The following ZBTB7A variants were observed in gnomAD, a reference collection of about 807,000 sequenced individuals.
ZBTB7A encodes zinc finger and BTB domain-containing protein 7A.
In ZBTB7A, 7 loss-of-function variants were observed where a neutral mutation model predicts 26.7. The ratio of observed to expected loss-of-function variants is 0.26; its 90% confidence interval spans 0.15 to 0.49. The LOEUF (loss-of-function observed/expected upper bound fraction) is 0.49. ZBTB7A is among the 20% of genes least tolerant of loss of function. ZBTB7A has a pLI of 0.98. For missense variants in ZBTB7A, 617 were observed against 919.5 expected (o/e 0.67, Z 4.25); for synonymous variants, 452 against 441.0 (o/e 1.02, Z -0.31).
At chr19:4,058,554 G>A (rs543219003) in intron 1 of ZBTB7A, among the ~76,000 whole-genome samples, 6 of 152,102 alleles carry the variant, frequency 3.9e-5, no homozygotes, top group African/African-American at 7.2e-5. Flanking sequence ...TGGCGGCCCC[G>A]AGTCACCCAG....
chr19:4,054,399 C>A lies in ZBTB7A; in HGVS notation c.834G>T (p.Glu278Asp). Residue 278 changes from glutamate (E) to aspartate (D), a missense_variant, in exon 2 of 3, where the codon GAG (glutamate) becomes GAT (aspartate). Transcript: ENST00000322357. ...CCGCCTCCGACAGCGAGGCGGCCTCCTCCTCTCCGCCGCGGCCGTAGTGGC... is the reference window on the plus strand; with the variant it reads ...CCGCCTCCGACAGCGAGGCGGCCTCATCCTCTCCGCCGCGGCCGTAGTGGC... ...QNGHYGRGGE[E>D]EAASLSEAAP... 1 of 1,399,358 alleles carries A rather than the reference C, an allele frequency of 7.1e-7. No individual in the cohort carries two copies. Among genetic ancestry groups the A allele is most frequent in the Non-Finnish European group, 9.2e-7 (1 of 1,089,150 alleles). The allele number at this position is 1,399,358 out of a possible 1,614,324, so 86.7% of individuals were successfully genotyped here.
Position 4,046,110 on chromosome 19 carries a change from C to A in ZBTB7A, c.*1642G>T, listed in dbSNP as rs531278068. 3 of 398,652 alleles carry A rather than the reference C, an allele frequency of 7.5e-6. No individual in the cohort carries two copies. The highest frequency in any genetic ancestry group is 1.3e-5 in the Non-Finnish European group (3 of 226,036). The allele number at this position is 398,652 out of a possible 1,614,324, so 24.7% of individuals were successfully genotyped here. ...GCTAGGGAGGAGGAAGGAGAGACCC[C>A]GTGGACAGAAGCGGGCGCTAAGACC... On this transcript the variant is annotated 3_prime_UTR_variant, in exon 3 of 3. Coordinates refer to ENST00000322357, the MANE Select transcript of ZBTB7A (RefSeq NM_015898.4).
chr19:4,059,465 C>T (rs2040617443), intron 1 of ZBTB7A, among the ~76,000 whole-genome samples: 1 of 152,258 alleles, frequency 6.6e-6, no homozygotes. Context: ...GGCCCTCCCT[C>T]AAAGCAGCGA....
Sources: allele counts gnomAD v4.1 joint callset (sites outside exome capture counted in the v4.1 genomes callset), GRCh38; gene constraint gnomAD v4.1.1; transcripts MANE v1.5; gene names NCBI Gene and HGNC (gene_info 2026-07-23, HGNC 2026-07-21).